SMURF2: variants seen among roughly 807,000 people sequenced by gnomAD.
The protein encoded by SMURF2 is SMAD specific E3 ubiquitin protein ligase 2.
A neutral mutation model predicts 109.6 loss-of-function variants in SMURF2; 48 were observed. The observed-to-expected ratio is 0.44, with a 90% CI of 0.35 to 0.56. SMURF2 has a LOEUF of 0.56. Ranked by LOEUF, SMURF2 falls within the 20% of genes least tolerant of loss-of-function variation. The probability of loss-of-function intolerance (pLI) is 0.01; values close to 1 mark genes in which losing one functional copy is unlikely to be tolerated. For synonymous variants in SMURF2, 288 were observed against 317.1 expected (o/e 0.91, Z 0.97); for missense variants, 575 against 909.0 (o/e 0.63, Z 4.72).
chr17:64,630,361 T>C lies in SMURF2; in HGVS notation c.53-23721A>G, dbSNP rs1426218726. On this transcript the variant is annotated intron_variant, in intron 1 of 18. Coordinates refer to ENST00000262435, the MANE Select transcript of SMURF2 (RefSeq NM_022739.4). Reference sequence around the variant, plus strand: ...CTCATCAAGTAAAAAACCACTTCATTTGAGAGATTACCAGCTAACTGGGAA... The same window carrying C: ...CTCATCAAGTAAAAAACCACTTCATCTGAGAGATTACCAGCTAACTGGGAA... 2.0e-5 allele frequency among the ~76,000 whole-genome samples: 3 copies of C among 152,310 alleles called. No homozygotes were observed. The East Asian group carries it at 5.8e-4, about 29-fold the overall frequency.
At position 64,580,926 on chromosome 17, in the gene SMURF2, A is replaced by G; in HGVS notation, c.635T>C (p.Ile212Thr). The G allele has an allele frequency of 6.2e-7, 1 of 1,614,160 alleles. No homozygotes were observed. Among genetic ancestry groups the G allele is most frequent in the South Asian group, 1.1e-5 (1 of 91,088 alleles). ...LSCFVDENTP[I>T]SGTNGATCGQ... ...ACATGTTGCACCATTTGTTCCACTA[A>G]TTGGAGTGTTCTCATCAACAAAGCA... is the stretch of plus-strand genomic sequence containing the variant. Residue 212 changes from isoleucine to threonine, a missense_variant, in exon 8 of 19, where the codon ATT becomes ACT. Physicochemically the swap from Ile to Thr is moderately conservative, Grantham distance 89. Around this residue, in one of 5 missense-constraint regions of SMURF2, gnomAD observed 151 missense variants for 178.4 expected, o/e 0.85. Coordinates refer to ENST00000262435, the MANE Select transcript of SMURF2 (RefSeq NM_022739.4).
At chr17:64,632,764 G>A (rs1555691757) in intron 1 of SMURF2, among the ~76,000 whole-genome samples, 1 of 152,168 alleles carries the variant, frequency 6.6e-6, no homozygotes, top group Non-Finnish European at 1.5e-5. Context: ...AAACACATCT[G>A]GTTTCAAATT....
At chr17:64,634,514 T>G (rs1050748396) in intron 1 of SMURF2, among the ~76,000 whole-genome samples, 1 of 152,184 alleles carries the variant, frequency 6.6e-6, no homozygotes, top group South Asian at 2.1e-4. Flanking sequence ...TTCCTAGAGA[T>G]AGGTGATATG....
intron 1 of SMURF2, among the ~76,000 whole-genome samples, chr17:64,631,297 A>AGAGAGAGAGAGG (rs1970343110): frequency 1.1e-5 from 1 of 93,962 alleles, no homozygotes; most frequent in Admixed American, 1.2e-4. Context: ...AGAGAGAGAG[A>AGAGAGAGAGAGG]GAGAGAGAGA....
At chr17:64,560,966 C>CA (rs782010996) in intron 12 of SMURF2, 7,412 of 54,902 alleles carry the variant, frequency 0.14, 276 homozygotes, top group African/African-American at 0.2. Flanking sequence ...ACCCTGTCTC[C>CA]AAAAAAAAAA....
intron 2 of SMURF2, among the ~76,000 whole-genome samples, chr17:64,605,759 A>ATATATATC (rs1969961408): frequency 7.1e-6 from 1 of 141,036 alleles, no homozygotes; most frequent in Non-Finnish European, 1.5e-5. Flanking sequence ...ATATATATAT[A>ATATATATC]TATATATATA....
At chr17:64,635,552 T>G (rs978307345) in intron 1 of SMURF2, among the ~76,000 whole-genome samples, 2 of 152,154 alleles carry the variant, frequency 1.3e-5, no homozygotes, top group African/African-American at 4.8e-5. Context: ...CTTCTGTCTA[T>G]GGATTTGCCA....
rs782079896 is a variant in SMURF2 at position 64,551,719 on chromosome 17, C to T, written c.1749-15G>A. The T allele has an allele frequency of 8.7e-6, 14 of 1,613,060 alleles. No individual in the cohort carries two copies. Among genetic ancestry groups the T allele is most frequent in the Non-Finnish European group, 1.2e-5 (14 of 1,179,538 alleles). Reference sequence around the variant, plus strand: ...TCACATAGAGCCTGTAAACATTCGGCAGGATTTCGTATAATCACATGTATT... The same window carrying T: ...TCACATAGAGCCTGTAAACATTCGGTAGGATTTCGTATAATCACATGTATT... On this transcript the variant is annotated splice_polypyrimidine_tract_variant and intron_variant, in intron 15 of 18. Coordinates refer to ENST00000262435, the MANE Select transcript of SMURF2 (RefSeq NM_022739.4).
intron 1 of SMURF2, among the ~76,000 whole-genome samples, chr17:64,654,606 G>T (rs1970681780): frequency 6.6e-6 from 1 of 152,000 alleles, no homozygotes; most frequent in African/African-American, 2.4e-5. Flanking sequence ...GAGGCAAGCG[G>T]ATCACCTGAG....
chr17:64,600,528 C>T (rs531170012), intron 2 of SMURF2, among the ~76,000 whole-genome samples: 4 of 152,278 alleles, frequency 2.6e-5, no homozygotes, highest in African/African-American at 9.6e-5. Context: ...ACAGACAAAT[C>T]ACCTATCAGT....
At chr17:64,622,543 T>C (rs868976591) in intron 1 of SMURF2, among the ~76,000 whole-genome samples, 5 of 152,146 alleles carry the variant, frequency 3.3e-5, no homozygotes, top group Admixed American at 6.5e-5. Flanking sequence ...AAAATATTGG[T>C]AAGGTATTTT....
rs1164717270 is a variant in SMURF2, at chr17:64,566,561, G to GTTTTTTTTTTTTTTTTTTTTTT, written c.1017-3617_1017-3596dup. On this transcript the variant is annotated intron_variant, in intron 10 of 18. Transcript: ENST00000262435. ...GATGTAGAAATGCTTAAGCTTTCTGGTTTTTTTTTTTTTTTTTTTTTTTTT... is the reference window on the plus strand; with the variant it reads ...GATGTAGAAATGCTTAAGCTTTCTGGTTTTTTTTTTTTTTTTTTTTTTTTTTTTTTTTTTTTTTTTTTTTTTT... Among the ~76,000 whole-genome samples, 77 of 43,800 alleles carry GTTTTTTTTTTTTTTTTTTTTTT rather than the reference G, an allele frequency of 1.8e-3. 25 individuals are homozygous for GTTTTTTTTTTTTTTTTTTTTTT. The highest frequency in any genetic ancestry group is 3.4e-3 in the South Asian group (2 of 594). The allele number at this position is 43,800 out of a possible 152,430, so 28.7% of individuals were successfully genotyped here.
At chr17:64,570,927 C>T (rs555963714) in intron 10 of SMURF2, among the ~76,000 whole-genome samples, 1 of 152,064 alleles carries the variant, frequency 6.6e-6, no homozygotes, top group Non-Finnish European at 1.5e-5. Context: ...ACCACAGGTG[C>T]GCACCACCAT....
chr17:64,617,837 A>T (rs1256426358), intron 1 of SMURF2, among the ~76,000 whole-genome samples: 1 of 152,232 alleles, frequency 6.6e-6, no homozygotes, highest in Non-Finnish European at 1.5e-5. Context: ...AACTACTTAA[A>T]AATTTTTTTT....
intron 15 of SMURF2, among the ~76,000 whole-genome samples, chr17:64,553,196 G>A (rs1969070436): frequency 6.6e-6 from 1 of 151,960 alleles, no homozygotes; most frequent in South Asian, 2.1e-4. Context: ...GCAGCCTCCT[G>A]AACATCTTCA....
intron 1 of SMURF2, among the ~76,000 whole-genome samples, chr17:64,634,398 A>T (rs1219039761): frequency 6.6e-6 from 1 of 152,142 alleles, no homozygotes; most frequent in Non-Finnish European, 1.5e-5. Context: ...CTTGCCTAGG[A>T]TGAGGCATGT....
chr17:64,568,992 A>G (rs1158203671), intron 10 of SMURF2, among the ~76,000 whole-genome samples: 25 of 146,598 alleles, frequency 1.7e-4, no homozygotes, highest in Non-Finnish European at 3.3e-4. Context: ...ACAAAGCAAG[A>G]CTCCATCTCA....
At chr17:64,599,754 T>C (rs1246708884) in intron 2 of SMURF2, among the ~76,000 whole-genome samples, 5 of 152,162 alleles carry the variant, frequency 3.3e-5, no homozygotes, top group Non-Finnish European at 7.4e-5. Flanking sequence ...GCTCCCCATG[T>C]CCTTGGAAAA....
intron 3 of SMURF2, among the ~76,000 whole-genome samples, chr17:64,595,297 A>G (rs1434954344): frequency 6.6e-6 from 1 of 152,236 alleles, no homozygotes; most frequent in African/African-American, 2.4e-5. Context: ...CATGTCACAA[A>G]CATTCTGTCC....
Sources: gnomAD v4.1 joint callset for allele counts (sites outside exome capture counted in the v4.1 genomes callset) on GRCh38, gnomAD v4.1.1 for gene constraint, gnomAD v4.1.1 regional missense constraint, MANE v1.5 for transcripts, NCBI Gene and HGNC (gene_info 2026-07-23, HGNC 2026-07-21) for gene names.